The following SDK1 variants were observed in gnomAD, a reference collection of about 807,000 sequenced individuals.
SDK1 encodes the protein protein sidekick-1.
In SDK1, 157 loss-of-function variants were observed where a neutral mutation model predicts 245.5. The ratio of observed to expected loss-of-function variants is 0.64; its 90% CI spans 0.56 to 0.73. SDK1 has a LOEUF of 0.73. Ranked by LOEUF, SDK1 falls within the 30% of genes least tolerant of loss-of-function variation. The pLI, the probability that SDK1 is intolerant of heterozygous loss-of-function variation, is 0.00. For synonymous variants in SDK1, 1,647 were observed against 1,278.5 expected (o/e 1.29, Z -6.15); for missense variants, 3,583 against 3,002.3 (o/e 1.19, Z -4.52).
chr7:4,171,719 A>G (rs568608487), intron 32 of SDK1, among the ~76,000 whole-genome samples: 1 of 152,208 alleles, frequency 6.6e-6, no homozygotes, highest in Non-Finnish European at 1.5e-5. Flanking sequence ...CTCCCAGATA[A>G]TAGCCCAACT....
chr7:3,499,920 A>G (rs749677632), intron 1 of SDK1, among the ~76,000 whole-genome samples: 2 of 152,164 alleles, frequency 1.3e-5, no homozygotes, highest in Admixed American at 6.5e-5. Context: ...AAAGTGGGCC[A>G]TTATAGGGTG....
At chr7:4,137,526 G>T (rs1420065188) in intron 28 of SDK1, among the ~76,000 whole-genome samples, 4 of 152,250 alleles carry the variant, frequency 2.6e-5, no homozygotes, top group East Asian at 3.9e-4. Flanking sequence ...GTCTAAATGT[G>T]CAGTGCCACC....
At chr7:3,645,127 A>C (rs1314635557) in intron 4 of SDK1, among the ~76,000 whole-genome samples, 1 of 152,220 alleles carries the variant, frequency 6.6e-6, no homozygotes. Flanking sequence ...AGGGTATAGA[A>C]TGAAAGAACT....
intron 1 of SDK1, among the ~76,000 whole-genome samples, chr7:3,318,157 G>T (rs761083081): frequency 1.3e-5 from 2 of 152,108 alleles, no homozygotes; most frequent in African/African-American, 2.4e-5. Flanking sequence ...CGCATTTTTC[G>T]CCTATATTGT....
At chr7:3,622,951 C>G (rs1180264324) in intron 2 of SDK1, among the ~76,000 whole-genome samples, 1 of 151,576 alleles carries the variant, frequency 6.6e-6, no homozygotes, top group Non-Finnish European at 1.5e-5. Context: ...ACTATTTTTT[C>G]AAATTACTCT....
intron 1 of SDK1, among the ~76,000 whole-genome samples, chr7:3,442,948 C>A (rs955145840): frequency 6.6e-6 from 1 of 152,110 alleles, no homozygotes; most frequent in African/African-American, 2.4e-5. Context: ...TAATTTCTCC[C>A]AAGAAGCCTG....
chr7:4,175,616 C>T (rs1204275479), intron 33 of SDK1, among the ~76,000 whole-genome samples, 159 bp from the exon 34 acceptor site: 2 of 152,248 alleles, frequency 1.3e-5, no homozygotes, highest in Non-Finnish European at 1.5e-5. Flanking sequence ...TGGTGGAAAG[C>T]TTGGGCGGTA....
intron 1 of SDK1, among the ~76,000 whole-genome samples, chr7:3,330,034 T>C (rs1780030552): frequency 6.6e-6 from 1 of 152,230 alleles, no homozygotes; most frequent in Non-Finnish European, 1.5e-5. Context: ...CTATACTTCA[T>C]TCCTTTTTAT....
intron 5 of SDK1, among the ~76,000 whole-genome samples, chr7:3,833,888 A>G (rs540383513): frequency 3.3e-4 from 50 of 152,232 alleles, no homozygotes; most frequent in Non-Finnish European, 6.0e-4. Context: ...CCTGGATCCT[A>G]TTCACCTCTT....
chr7:3,751,801 C>G (rs553576479), intron 4 of SDK1, among the ~76,000 whole-genome samples: 1 of 152,286 alleles, frequency 6.6e-6, no homozygotes, highest in South Asian at 2.1e-4. Flanking sequence ...CCAGATAGCC[C>G]TCCCCTTCCA....
intron 1 of SDK1, among the ~76,000 whole-genome samples, chr7:3,396,694 A>G (rs966294046): frequency 6.6e-6 from 1 of 151,420 alleles, no homozygotes; most frequent in Non-Finnish European, 1.5e-5. Context: ...TGTTTTCATG[A>G]TATATCTTTT....
At chr7:3,701,389 G>A (rs985133376) in intron 4 of SDK1, among the ~76,000 whole-genome samples, 10 of 152,146 alleles carry the variant, frequency 6.6e-5, no homozygotes, top group Admixed American at 6.5e-4. Context: ...TTGATGTATA[G>A]GTTTAATGTA....
At chr7:4,156,102 A>G (rs1780715983) in intron 30 of SDK1, among the ~76,000 whole-genome samples, 1 of 152,184 alleles carries the variant, frequency 6.6e-6, no homozygotes, top group Non-Finnish European at 1.5e-5. Flanking sequence ...CAGGTAAGGA[A>G]ACTGAGGCAA....
chr7:3,405,548 T>A (rs1269538865), intron 1 of SDK1, among the ~76,000 whole-genome samples: 1 of 152,186 alleles, frequency 6.6e-6, no homozygotes, highest in Non-Finnish European at 1.5e-5. Context: ...CATGCTAGAC[T>A]GTTTTATCTG....
chr7:4,158,476 C>T lies in SDK1; in HGVS notation c.4654C>T (p.Arg1552Cys), dbSNP rs376938194. The T allele has an allele frequency of 3.1e-6, 5 of 1,613,474 alleles. No homozygotes were observed. The highest frequency in any genetic ancestry group is 2.7e-5 in the African/African-American group (2 of 74,938). ...RLRPFTSYKL[R>C]LKATNDIGDS... is the part of the protein sequence containing the mutation. Reference sequence around the variant, plus strand: ...GAGGCCCTTCACCTCCTACAAGCTGCGCCTGAAAGCCACCAACGACATTGG... The same window carrying T: ...GAGGCCCTTCACCTCCTACAAGCTGTGCCTGAAAGCCACCAACGACATTGG... The change falls in exon 31 of 45, where the codon CGC becomes TGC. Residue 1552 changes from arginine (R) to cysteine (C), a missense_variant. Transcript: ENST00000404826.
At chr7:4,230,083 G>T (rs1785654902) in intron 40 of SDK1, among the ~76,000 whole-genome samples, 1 of 137,352 alleles carries the variant, frequency 7.3e-6, no homozygotes, top group Non-Finnish European at 1.6e-5. Flanking sequence ...AAGGAAGGAA[G>T]GGTGGGCAGG....
intron 1 of SDK1, among the ~76,000 whole-genome samples, chr7:3,551,847 T>A (rs1416440702): frequency 1.3e-5 from 2 of 152,122 alleles, no homozygotes; most frequent in East Asian, 1.9e-4. Flanking sequence ...GGCCTAAATT[T>A]TTTTTTGTTG....
chr7:3,324,231 T>A (rs1317969640), intron 1 of SDK1, among the ~76,000 whole-genome samples: 1 of 152,198 alleles, frequency 6.6e-6, no homozygotes, highest in Non-Finnish European at 1.5e-5. Context: ...TAAGAATGTT[T>A]TTTAAAAGTA....
intron 16 of SDK1, among the ~76,000 whole-genome samples, chr7:4,015,381 A>C (rs1786315472): frequency 6.6e-6 from 1 of 152,210 alleles, no homozygotes; most frequent in African/African-American, 2.4e-5. Context: ...GCTTGGTGCC[A>C]GCATGCCCAG....
Sources: allele counts gnomAD v4.1 joint callset (sites outside exome capture counted in the v4.1 genomes callset), GRCh38; gene constraint gnomAD v4.1.1; transcripts MANE v1.5; gene names NCBI Gene and HGNC (gene_info 2026-07-23, HGNC 2026-07-21).